Variants in GYPB observed in about 807,000 individuals in gnomAD.
GYPB encodes glycophorin-B.
Under a neutral mutation model 15.3 loss-of-function variants are expected in GYPB, and 13 were observed. That is an observed-to-expected ratio of 0.85 (90% CI 0.55 to 1.35). The LOEUF (loss-of-function observed/expected upper bound fraction) is 1.35, where lower values mean the gene tolerates loss of function less well. Ranked by LOEUF, GYPB falls within the 40% of genes most tolerant of loss-of-function variation. GYPB has a pLI of 0.00. For synonymous variants in GYPB, 38 were observed against 36.9 expected (o/e 1.03, Z -0.11); for missense variants, 131 against 108.3 (o/e 1.21, Z -0.93).
intron 4 of GYPB, 190 bp downstream of exon 4, chr4:143,997,350 C>T: frequency 2.1e-6 from 1 of 480,926 alleles, no homozygotes; most frequent in Non-Finnish European, 3.8e-6. Context: ...TTAGAGGTTC[C>T]CTTTAATTGG....
intron 1 of GYPB, among the ~76,000 whole-genome samples, chr4:144,006,525 A>C (rs1244068547): frequency 5.3e-5 from 8 of 151,988 alleles, no homozygotes; most frequent in African/African-American, 1.9e-4. Flanking sequence ...ATGCTATTAG[A>C]AACAATAAAA....
intron 2 of GYPB, chr4:144,000,502 G>C: frequency 3.1e-6 from 2 of 645,348 alleles, no homozygotes; most frequent in Non-Finnish European, 4.8e-6. Flanking sequence ...TTGAGAAAGG[G>C]AACAAGAATG....
chr4:143,997,710 C>T (rs1727399614), intron 3 of GYPB, 76 bp from the exon 4 acceptor site: 5 of 784,296 alleles, frequency 6.4e-6, no homozygotes, highest in Admixed American at 1.8e-5. Context: ...CAGATAACAT[C>T]AGCATAACAT....
chr4:144,001,398 T>C, intron 1 of GYPB, 115 bp from the exon 2 acceptor site: 1 of 1,540,356 alleles, frequency 6.5e-7, no homozygotes, highest in Non-Finnish European at 8.9e-7. Flanking sequence ...AGCTAAGCGC[T>C]TTAGTATATA....
chr4:143,995,264 G>A (rs1347689427), downstream of GYPB, among the ~76,000 whole-genome samples: 3 of 151,434 alleles, frequency 2.0e-5, no homozygotes, highest in African/African-American at 7.4e-5. Context: ...CAGTCACCTG[G>A]AGAGGTAATA....
Position 144,019,344 on chromosome 4 carries a change from G to A in GYPB, c.-57C>T. The A allele has an allele frequency of 3.1e-6, 5 of 1,611,350 alleles. No homozygotes were observed. The highest frequency in any genetic ancestry group is 4.2e-6 in the Non-Finnish European group (5 of 1,179,162). The stretch of plus-strand genomic sequence containing the variant: ...TGCAAAAAAACTACCAAAGACAACT[G>A]CAAGTGTCAGTGTCTGGCCTTAGCC... On this transcript the variant is annotated 5_prime_UTR_variant, in exon 1 of 5. Coordinates refer to ENST00000502664, the MANE Select transcript of GYPB (RefSeq NM_002100.6).
Position 144,001,262 on chromosome 4 carries a change from A to C in GYPB, c.59T>G (p.Leu20Ter), listed in dbSNP as rs189622883. The C allele has an allele frequency of 1.7e-3, 2,771 of 1,611,190 alleles. 212 individuals are homozygous for C. In the African/African-American group the frequency reaches 0.035, roughly 20 times the overall value. The change falls in exon 2 of 5, where the codon TTA becomes TGA. Residue 20 changes from leucine to a stop codon, truncating the protein, a stop_gained. Coordinates refer to ENST00000502664, the MANE Select transcript of GYPB (RefSeq NM_002100.6). LOFTEE classifies it high-confidence loss of function. ...LLSEIVSISA[L>*]STTEVAMHTS... ...GTGCATTGCCACCTCAGTGGTACTTAATGCTGATATGCTCACAATTTCTGT... is the reference window on the plus strand; with the variant it reads ...GTGCATTGCCACCTCAGTGGTACTTCATGCTGATATGCTCACAATTTCTGT...
chr4:144,002,265 T>C (rs1365450515), intron 1 of GYPB, among the ~76,000 whole-genome samples: 3 of 151,446 alleles, frequency 2.0e-5, no homozygotes, highest in Non-Finnish European at 4.4e-5. Context: ...ATTTGACACA[T>C]TTTGATATAT....
chr4:143,999,435 G>T lies in GYPB; in HGVS notation c.151C>A (p.Leu51Ile). 6.5e-7 allele frequency: 1 copy of T among 1,538,976 alleles called. No individual in the cohort carries two copies. The highest frequency in any genetic ancestry group is 9.0e-7 in the Non-Finnish European group (1 of 1,116,790). Reference sequence around the variant, plus strand: ...CCTGGTACAGTGAAACGATGGACAAGTTGTCCCGTTTCTCCTATAAAGCAA... The same window carrying T: ...CCTGGTACAGTGAAACGATGGACAATTTGTCCCGTTTCTCCTATAAAGCAA... The part of the protein sequence containing the change: ...SSQTNGETGQ[L>I]VHRFTVPAPV... Residue 51 changes from leucine (L) to isoleucine (I), a missense_variant, in exon 3 of 5, where the codon CTT becomes ATT. Physicochemically the swap from Leu to Ile is conservative, Grantham distance 5 (BLOSUM62 2). Coordinates refer to ENST00000502664, the MANE Select transcript of GYPB (RefSeq NM_002100.6).
At chr4:143,996,015 A>G (rs967259078), downstream of GYPB, 12 of 665,204 alleles carry the variant, frequency 1.8e-5, 2 homozygotes, top group African/African-American at 2.3e-4. Flanking sequence ...CTTTGTTCAG[A>G]CCCTTCTTTC....
chr4:144,009,111 C>T (rs558906921), intron 1 of GYPB, among the ~76,000 whole-genome samples: 1 of 151,310 alleles, frequency 6.6e-6, no homozygotes, highest in Admixed American at 6.6e-5. Context: ...CACTTCCTCC[C>T]TCAATTCACA....
rs746774498 is a variant in GYPB, at chr4:144,019,262, A to C, written c.26T>G (p.Leu9Ter). MYGKIIFV[L>*]LLSEIVSISA... Reference sequence around the variant, plus strand: ...ATAAAATCACTTACCTGACAATAGTAATACAAAGATTATTTTTCCATACAT... The same window carrying C: ...ATAAAATCACTTACCTGACAATAGTCATACAAAGATTATTTTTCCATACAT... Residue 9 changes from leucine (L) to a stop codon, truncating the protein, a stop_gained, in exon 1 of 5, where the codon TTA (leucine) becomes TGA (stop). Coordinates refer to ENST00000502664, the MANE Select transcript of GYPB (RefSeq NM_002100.6). LOFTEE classifies it high-confidence loss of function. The C allele has an allele frequency of 3.7e-6, 6 of 1,611,656 alleles. No individual in the cohort carries two copies. The South Asian group carries it at 6.6e-5, about 18-fold the overall frequency.
chr4:144,011,836 G>A (rs1283526731), intron 1 of GYPB, among the ~76,000 whole-genome samples: 1 of 151,264 alleles, frequency 6.6e-6, no homozygotes, highest in Non-Finnish European at 1.5e-5. Context: ...TCTGAATCTA[G>A]CAGAATAGTT....
chr4:144,009,597 CTTTCTTTT>C (rs1560712163), intron 1 of GYPB, among the ~76,000 whole-genome samples: 7 of 52,804 alleles, frequency 1.3e-4, no homozygotes, highest in Non-Finnish European at 2.3e-4. Flanking sequence ...GATTTTTTTT[CTTTCTTTT>C]TTTTTTTTTT....
At chr4:143,997,230 C>G (rs533303876) in intron 4 of GYPB, 2 of 232,280 alleles carry the variant, frequency 8.6e-6, no homozygotes, top group Non-Finnish European at 1.7e-5. Flanking sequence ...AGGTTAAATA[C>G]TATAAGAAGA....
rs1374880076 is a variant in GYPB, at chr4:144,000,442, G to C, written c.136+743C>G. On this transcript the variant is annotated intron_variant, in intron 2 of 4. Coordinates refer to ENST00000502664, the MANE Select transcript of GYPB (RefSeq NM_002100.6). ...AGAAATTTCTGAAACTTCATTAGCA[G>C]TATGAGCTGGACATGTGTCCCGTTT... 60 of 1,180,924 alleles carry C rather than the reference G, an allele frequency of 5.1e-5. 1 individual carries two copies. The highest frequency in any genetic ancestry group is 1.2e-4 in the East Asian group (2 of 16,464). The allele number at this position is 1,180,924 out of a possible 1,614,324, so 73.2% of individuals were successfully genotyped here.
At chr4:144,001,345 A>T in intron 1 of GYPB, 62 bp from the exon 2 acceptor site, 1 of 1,612,018 alleles carries the variant, frequency 6.2e-7, no homozygotes. Flanking sequence ...ACCATAAAGC[A>T]TATCACAAAA....
At chr4:144,012,413 T>A (rs1159390597) in intron 1 of GYPB, 3 of 151,542 alleles carry the variant, frequency 2.0e-5, no homozygotes, top group Admixed American at 2.0e-4. Flanking sequence ...CTCTACCTTA[T>A]AGAATTATTG....
chr4:144,001,012 A>G (rs976246407), intron 2 of GYPB, among the ~76,000 whole-genome samples, 173 bp downstream of exon 2: 1 of 151,464 alleles, frequency 6.6e-6, no homozygotes, highest in African/African-American at 2.5e-5. Flanking sequence ...GAGATATTTC[A>G]GAGGCTAGAA....
Sources: allele counts gnomAD v4.1 joint callset (sites outside exome capture counted in the v4.1 genomes callset), GRCh38; gene constraint gnomAD v4.1.1; transcripts MANE v1.5; gene names NCBI Gene and HGNC (gene_info 2026-07-23, HGNC 2026-07-21).